FALEC: variants seen among roughly 807,000 people sequenced by gnomAD.
The protein encoded by FALEC is focally amplified lncRNA regulator of ECM1.
chr1:150,528,382 T>A, the FALEC span, among the ~76,000 whole-genome samples: 1 of 152,064 alleles, frequency 6.6e-6, no homozygotes, highest in African/African-American at 2.4e-5. Context: ...ACAGTCAACA[T>A]CCTTATGGTT....
the FALEC span, among the ~76,000 whole-genome samples, chr1:150,529,925 G>A: frequency 1.3e-5 from 2 of 152,034 alleles, no homozygotes; most frequent in Non-Finnish European, 2.9e-5. Flanking sequence ...TGCAAAATGC[G>A]GTGTGTCTGT....
the FALEC span, among the ~76,000 whole-genome samples, chr1:150,531,306 C>G: frequency 6.6e-6 from 1 of 152,138 alleles, no homozygotes; most frequent in Non-Finnish European, 1.5e-5. Context: ...ACCAGCCTGA[C>G]CAACATGGAG....
chr1:150,527,045 C>T, the FALEC span, among the ~76,000 whole-genome samples: 1 of 151,272 alleles, frequency 6.6e-6, no homozygotes, highest in African/African-American at 2.4e-5. Context: ...AAGCAATTCT[C>T]CTGTCTCAGC....
chr1:150,519,262 A>G (rs889834967), downstream of FALEC, among the ~76,000 whole-genome samples: 3 of 152,186 alleles, frequency 2.0e-5, no homozygotes, highest in Non-Finnish European at 4.4e-5. Context: ...TTATCACTCA[A>G]TCGCTTGTTA....
the FALEC span, among the ~76,000 whole-genome samples, chr1:150,525,971 C>T: frequency 2.0e-5 from 3 of 152,154 alleles, no homozygotes; most frequent in African/African-American, 4.8e-5. Context: ...AGATTTATTC[C>T]ATATGTGGTC....
At chr1:150,518,212 C>T (rs1670595607), downstream of FALEC, among the ~76,000 whole-genome samples, 2 of 152,094 alleles carry the variant, frequency 1.3e-5, no homozygotes, top group Middle Eastern at 3.4e-3. Context: ...AGTAGTGGGC[C>T]CATCCTCTTT....
chr1:150,523,651 C>CAA, the FALEC span, among the ~76,000 whole-genome samples: 7 of 109,016 alleles, frequency 6.4e-5, no homozygotes, highest in South Asian at 2.9e-4. Flanking sequence ...GAGACTCCGT[C>CAA]AAAAAAAAAA....
downstream of FALEC, among the ~76,000 whole-genome samples, chr1:150,522,975 A>ATTTTTTTT (rs1560270879): frequency 3.5e-5 from 1 of 28,846 alleles, no homozygotes; most frequent in East Asian, 5.8e-4. Flanking sequence ...ATATATATAT[A>ATTTTTTTT]TATATATATT....
At chr1:150,522,161 C>T (rs749866401), downstream of FALEC, among the ~76,000 whole-genome samples, 1 of 151,536 alleles carries the variant, frequency 6.6e-6, no homozygotes, top group South Asian at 2.1e-4. Context: ...GCAGGAGAAT[C>T]GCGTGCACCC....
the FALEC span, among the ~76,000 whole-genome samples, chr1:150,529,449 C>T: frequency 6.6e-6 from 1 of 152,348 alleles, no homozygotes; most frequent in East Asian, 1.9e-4. Flanking sequence ...ATTTTGTTTT[C>T]CTTGTCCCCA....
At chr1:150,519,991 A>C (rs966959414), downstream of FALEC, among the ~76,000 whole-genome samples, 1 of 151,976 alleles carries the variant, frequency 6.6e-6, no homozygotes, top group Non-Finnish European at 1.5e-5. Flanking sequence ...CTCTACTAAA[A>C]ATACAAAATT....
At chr1:150,521,934 T>C (rs898026644), downstream of FALEC, among the ~76,000 whole-genome samples, 1 of 152,208 alleles carries the variant, frequency 6.6e-6, no homozygotes, top group Admixed American at 6.5e-5. Flanking sequence ...ATACAGATTC[T>C]TTAAGTAAGT....
downstream of FALEC, among the ~76,000 whole-genome samples, chr1:150,520,805 T>TTC (rs1334803036): frequency 7.2e-6 from 1 of 139,102 alleles, no homozygotes; most frequent in African/African-American, 2.8e-5. Flanking sequence ...TTTTTTTTTT[T>TTC]TTTTTGAGAC....
At chr1:150,532,258 ACGAAAG>A in the FALEC span, among the ~76,000 whole-genome samples, 21 of 152,248 alleles carry the variant, frequency 1.4e-4, no homozygotes, top group East Asian at 4.1e-3. Flanking sequence ...AGACCCAGGA[ACGAAAG>A]CGCAGGGAGC....
At chr1:150,530,282 G>A in the FALEC span, among the ~76,000 whole-genome samples, 4 of 152,126 alleles carry the variant, frequency 2.6e-5, no homozygotes, top group Admixed American at 6.6e-5. Flanking sequence ...ACTTAGTAAC[G>A]GCTGGGTACT....
the FALEC span, among the ~76,000 whole-genome samples, chr1:150,529,856 CA>C: frequency 6.6e-6 from 1 of 152,168 alleles, no homozygotes; most frequent in Non-Finnish European, 1.5e-5. Flanking sequence ...CTCAGCCTCC[CA>C]AAGTGCTGGG....
the FALEC span, among the ~76,000 whole-genome samples, chr1:150,533,430 CTTT>C: frequency 1.0e-5 from 1 of 97,662 alleles, no homozygotes; most frequent in Non-Finnish European, 1.9e-5. Flanking sequence ...AGAACCAGAG[CTTT>C]TTTTTTTTTT....
chr1:150,520,884 A>T (rs1219940923), downstream of FALEC, among the ~76,000 whole-genome samples: 1 of 136,990 alleles, frequency 7.3e-6, no homozygotes, highest in Non-Finnish European at 1.5e-5. Flanking sequence ...ATCTCAGCTC[A>T]CTGCAACCTC....
chr1:150,523,263 G>A, the FALEC span, among the ~76,000 whole-genome samples: 1 of 148,956 alleles, frequency 6.7e-6, no homozygotes, highest in African/African-American at 2.5e-5. Flanking sequence ...AAAGTGCTGG[G>A]ATTACAGGTG....
Sources: allele counts gnomAD v4.1 joint callset (sites outside exome capture counted in the v4.1 genomes callset), GRCh38; gene constraint gnomAD v4.1.1; transcripts MANE v1.5; gene names NCBI Gene and HGNC (gene_info 2026-07-23, HGNC 2026-07-21).